The following HMCN1 variants were observed in gnomAD, a reference collection of about 807,000 sequenced individuals.
HMCN1 encodes the protein hemicentin-1.
In HMCN1, 321 loss-of-function variants were observed where a neutral mutation model predicts 625.9. The ratio of observed to expected loss-of-function variants is 0.51; its 90% CI spans 0.47 to 0.56. HMCN1 has a LOEUF of 0.56. Among genes scored for constraint, HMCN1 ranks in the 20% least tolerant of loss-of-function variants. HMCN1 has a pLI of 0.00. For synonymous variants in HMCN1, 2,425 were observed against 2,417.6 expected, an observed-to-expected ratio of 1.00 and a Z score of -0.09; for missense variants, 6,588 against 6,887.3, an observed-to-expected ratio of 0.96 and a Z score of 1.54.
rs149084932 is a variant in HMCN1, at chr1:185,874,726, T to A, written c.621+8863T>A. 8.2e-3 allele frequency among the ~76,000 whole-genome samples: 1,249 copies of A among 151,994 alleles called. 15 individuals carry two copies. The highest frequency in any genetic ancestry group is 0.029 in the African/African-American group (1,194 of 41,510). On this transcript the variant is annotated intron_variant, in intron 4 of 106. Coordinates refer to ENST00000271588, the MANE Select transcript of HMCN1 (RefSeq NM_031935.3). ...CTGAATGAAGAGAAAGGAAAAAAAA[T>A]TCAGAATTCTAGTCATAATTTTAAA... is the stretch of plus-strand genomic sequence containing the variant.
intron 1 of HMCN1, among the ~76,000 whole-genome samples, chr1:185,832,480 A>G (rs1660926541): frequency 6.6e-6 from 1 of 152,150 alleles, no homozygotes; most frequent in Non-Finnish European, 1.5e-5. Context: ...GGATTAGTAT[A>G]TAGAATACAT....
intron 52 of HMCN1, 96 bp downstream of exon 52, chr1:186,070,853 A>G (rs1426310967): frequency 8.0e-7 from 1 of 1,246,936 alleles, no homozygotes; most frequent in Non-Finnish European, 1.2e-6. Context: ...GACTCAGAGA[A>G]TCAATGTGAT....
chr1:186,126,112 G>A (rs1471412362), intron 82 of HMCN1, among the ~76,000 whole-genome samples: 1 of 151,860 alleles, frequency 6.6e-6, no homozygotes, highest in East Asian at 1.9e-4. Context: ...AGTATCTAGA[G>A]TAAATAATTG....
chr1:185,874,334 T>G (rs1348504655), intron 4 of HMCN1, among the ~76,000 whole-genome samples: 1 of 152,004 alleles, frequency 6.6e-6, no homozygotes, highest in Non-Finnish European at 1.5e-5. Context: ...ACCATATAGT[T>G]TTGGCTTCTG....
rs1666421557 is a variant in HMCN1 at position 185,911,564 on chromosome 1, A to T, written c.794-110A>T. 28 of 852,378 alleles carry T rather than the reference A, an allele frequency of 3.3e-5. No individual in the cohort carries two copies. In the South Asian group the frequency reaches 3.6e-4, roughly 11 times the overall value. 52.8% of individuals were successfully genotyped at this position (852,378 alleles called of 1,614,324 possible). On this transcript the variant is annotated intron_variant, in intron 5 of 106. Coordinates refer to ENST00000271588, the MANE Select transcript of HMCN1 (RefSeq NM_031935.3). Reference sequence around the variant, plus strand: ...AGCACACTTTGGTAAAAAATGAGCCAGTGTTATTTGAAATTTGATCATGCT... The same window carrying T: ...AGCACACTTTGGTAAAAAATGAGCCTGTGTTATTTGAAATTTGATCATGCT...
In HMCN1 at chr1:185,921,701, C is replaced by G. The variant is rs150233906; in HGVS notation, c.901-678C>G. Among the ~76,000 whole-genome samples, 40 of 152,270 alleles carry G rather than the reference C, an allele frequency of 2.6e-4. No individual in the cohort carries two copies. In the East Asian group the frequency reaches 7.1e-3, roughly 27 times the overall value. On this transcript the variant is annotated intron_variant, in intron 6 of 106. Transcript: ENST00000271588. ...ATTATGTGGTCATTTTATTTTGAGACAGAATCTTGGTAATCTATGTAATAA... is the reference window on the plus strand; with the variant it reads ...ATTATGTGGTCATTTTATTTTGAGAGAGAATCTTGGTAATCTATGTAATAA...
intron 93 of HMCN1, among the ~76,000 whole-genome samples, chr1:186,148,186 G>A (rs182329981): frequency 7.2e-4 from 110 of 152,254 alleles, no homozygotes; most frequent in African/African-American, 2.6e-3. Context: ...TTGTTCATCT[G>A]TAAGAAGCAA....
intron 1 of HMCN1, among the ~76,000 whole-genome samples, chr1:185,795,801 A>G (rs1425919589): frequency 2.0e-5 from 3 of 152,226 alleles, no homozygotes; most frequent in African/African-American, 4.8e-5. Context: ...AGTAATTTCA[A>G]TGATGAAGGC....
At chr1:185,923,736 A>C (rs975744911) in intron 8 of HMCN1, 83 bp downstream of exon 8, 5 of 1,096,800 alleles carry the variant, frequency 4.6e-6, no homozygotes, top group Middle Eastern at 2.7e-4. Flanking sequence ...CGGACTATCA[A>C]ATAAAAAATA....
chr1:185,925,629 G>A (rs1383539793), intron 9 of HMCN1, among the ~76,000 whole-genome samples: 3 of 152,172 alleles, frequency 2.0e-5, no homozygotes, highest in African/African-American at 7.2e-5. Context: ...AAGTGAATCT[G>A]GTAAGTGTAG....
intron 14 of HMCN1, among the ~76,000 whole-genome samples, chr1:185,969,472 CT>C (rs1348633581): frequency 6.6e-6 from 1 of 152,064 alleles, no homozygotes; most frequent in Non-Finnish European, 1.5e-5. Flanking sequence ...TTGCAGTCTC[CT>C]AGAGAATTTT....
chr1:186,046,022 A>T lies in HMCN1; in HGVS notation c.6480+159A>T, dbSNP rs1558172543. Among the ~76,000 whole-genome samples the T allele has an allele frequency of 1.3e-5, 2 of 152,252 alleles. 1 individual carries two copies. On this transcript the variant is annotated intron_variant, in intron 41 of 106. Coordinates refer to ENST00000271588, the MANE Select transcript of HMCN1 (RefSeq NM_031935.3). Reference sequence around the variant, plus strand: ...TTGATGAGGTTTGTAATATTTAAAAATTTTTTTGTTTAGTGAGATTTAAGT... The same window carrying T: ...TTGATGAGGTTTGTAATATTTAAAATTTTTTTTGTTTAGTGAGATTTAAGT...
chr1:185,978,905 T>A (rs926730578), intron 16 of HMCN1, among the ~76,000 whole-genome samples: 1 of 152,156 alleles, frequency 6.6e-6, no homozygotes, highest in Non-Finnish European at 1.5e-5. Context: ...GGTCTCGAAT[T>A]CTTGACCTCA....
At chr1:186,092,908 A>T (rs1255848154) in intron 64 of HMCN1, among the ~76,000 whole-genome samples, 4 of 152,100 alleles carry the variant, frequency 2.6e-5, no homozygotes, top group Non-Finnish European at 4.4e-5. Flanking sequence ...TATCTCAGAG[A>T]AAATCATGTC....
intron 89 of HMCN1, among the ~76,000 whole-genome samples, chr1:186,143,527 GA>G (rs1247053338): frequency 5.3e-5 from 8 of 152,186 alleles, no homozygotes; most frequent in Non-Finnish European, 5.9e-5. Context: ...TCACTCCTTG[GA>G]AACTACTAGT....
At chr1:186,159,614 G>A (rs1316813477) in intron 97 of HMCN1, among the ~76,000 whole-genome samples, 1 of 152,176 alleles carries the variant, frequency 6.6e-6, no homozygotes, top group African/African-American at 2.4e-5. Flanking sequence ...AACATATTGA[G>A]AGTTTTTAGC....
In HMCN1 at chr1:186,144,165, G is replaced by T; in HGVS notation, c.13925-8G>T. The T allele has an allele frequency of 1.3e-6, 2 of 1,585,510 alleles. No individual in the cohort carries two copies. The highest frequency in any genetic ancestry group is 1.7e-6 in the Non-Finnish European group (2 of 1,167,608). ...GTGACTTGCAACTGTCTTTTGGGGTGTTTGCAGTTCATGGAGCATGGAGCG... is the reference window on the plus strand; with the variant it reads ...GTGACTTGCAACTGTCTTTTGGGGTTTTTGCAGTTCATGGAGCATGGAGCG... On this transcript the variant is annotated splice_region_variant and splice_polypyrimidine_tract_variant and intron_variant, in intron 89 of 106. Coordinates refer to ENST00000271588, the MANE Select transcript of HMCN1 (RefSeq NM_031935.3).
chr1:185,927,633 T>G (rs1471676360), intron 9 of HMCN1, among the ~76,000 whole-genome samples: 3 of 152,198 alleles, frequency 2.0e-5, no homozygotes, highest in Non-Finnish European at 4.4e-5. Flanking sequence ...GGGAGCGATC[T>G]AGAGATATCA....
intron 1 of HMCN1, among the ~76,000 whole-genome samples, chr1:185,750,432 A>C (rs545197974): frequency 3.9e-5 from 6 of 152,224 alleles, no homozygotes; most frequent in Non-Finnish European, 8.8e-5. Context: ...TCCCATTGTA[A>C]TTATGGTTTT....
Sources: allele counts gnomAD v4.1 joint callset (sites outside exome capture counted in the v4.1 genomes callset), GRCh38; gene constraint gnomAD v4.1.1; transcripts MANE v1.5; gene names NCBI Gene and HGNC (gene_info 2026-07-23, HGNC 2026-07-21).